WWOX: variants seen among roughly 807,000 people sequenced by gnomAD.
The protein encoded by WWOX is WW domain-containing oxidoreductase.
WWOX carries 69 observed loss-of-function variants against 46.2 expected under a neutral mutation model. The observed-to-expected ratio is 1.49, with a 90% CI of 1.23 to 1.82. WWOX has a LOEUF of 1.82. Among genes scored for constraint, WWOX ranks in the 40% most tolerant of loss-of-function variants. The probability of loss-of-function intolerance (pLI) is 0.00; values close to 1 mark genes in which losing one functional copy is unlikely to be tolerated. For missense variants in WWOX, 919 were observed against 542.6 expected (o/e 1.69, Z -6.89); for synonymous variants, 359 against 202.6 (o/e 1.77, Z -6.56).
At position 78,400,980 on chromosome 16, in the gene WWOX, G is replaced by A. The variant is rs530469975; in HGVS notation, c.605+14032G>A. The stretch of plus-strand genomic sequence containing the variant: ...TGGGACTACATGCCTGCACCATCAT[G>A]CCTGGCTAATTTTTATTTTTGTAGA... On this transcript the variant is annotated intron_variant, in intron 6 of 8. Coordinates refer to ENST00000566780, the MANE Select transcript of WWOX (RefSeq NM_016373.4). Among the ~76,000 whole-genome samples the A allele has an allele frequency of 2.0e-5, 3 of 152,214 alleles. No homozygotes were observed. The East Asian group carries it at 5.8e-4, about 30-fold the overall frequency.
chr16:78,766,081 G>A (rs962982563), intron 8 of WWOX, among the ~76,000 whole-genome samples: 4 of 152,212 alleles, frequency 2.6e-5, no homozygotes, highest in African/African-American at 9.6e-5. Flanking sequence ...GAGTGGGACG[G>A]GGTGAATGAT....
At chr16:78,570,823 A>G (rs768031105) in intron 8 of WWOX, among the ~76,000 whole-genome samples, 5 of 152,188 alleles carry the variant, frequency 3.3e-5, no homozygotes, top group Non-Finnish European at 7.4e-5. Context: ...CTGGAAATGA[A>G]TGGCAGGGGA....
chr16:78,711,031 A>T (rs1363672554), intron 8 of WWOX, among the ~76,000 whole-genome samples: 1 of 152,138 alleles, frequency 6.6e-6, no homozygotes, highest in Non-Finnish European at 1.5e-5. Flanking sequence ...AGATTTCAGG[A>T]CCTAACCAAC....
intron 5 of WWOX, 34 bp downstream of exon 5, chr16:78,164,323 G>A (rs776846470): frequency 6.3e-7 from 1 of 1,586,426 alleles, no homozygotes; most frequent in East Asian, 2.2e-5. Flanking sequence ...TTTTTTAATT[G>A]TCAAATACAC....
At chr16:78,768,952 A>T (rs2049993929) in intron 8 of WWOX, among the ~76,000 whole-genome samples, 1 of 152,070 alleles carries the variant, frequency 6.6e-6, no homozygotes, top group Non-Finnish European at 1.5e-5. Flanking sequence ...TTCTGTTTTG[A>T]GCATCAGAAT....
intron 8 of WWOX, among the ~76,000 whole-genome samples, chr16:78,533,428 C>T (rs1049010621): frequency 1.3e-5 from 2 of 150,134 alleles, no homozygotes; most frequent in African/African-American, 5.0e-5. Flanking sequence ...AAAAAAAATC[C>T]CCAAAAAATC....
At chr16:78,414,565 A>G (rs929686329) in intron 6 of WWOX, among the ~76,000 whole-genome samples, 1 of 152,174 alleles carries the variant, frequency 6.6e-6, no homozygotes, top group African/African-American at 2.4e-5. Context: ...AAACTGTCTT[A>G]AAACAAACAA....
At chr16:79,131,967 C>T (rs1475571375) in intron 8 of WWOX, among the ~76,000 whole-genome samples, 4 of 152,086 alleles carry the variant, frequency 2.6e-5, no homozygotes, top group African/African-American at 4.8e-5. Flanking sequence ...GAGACTTATT[C>T]ACTATCATGA....
chr16:78,739,126 AGTGG>A (rs774362082), intron 8 of WWOX, among the ~76,000 whole-genome samples: 7 of 152,284 alleles, frequency 4.6e-5, no homozygotes, highest in Non-Finnish European at 8.8e-5. Context: ...GCAGCAGGCC[AGTGG>A]TAACCTCTGA....
intron 3 of WWOX, among the ~76,000 whole-genome samples, chr16:78,110,956 C>T (rs1001519340): frequency 4.0e-5 from 6 of 151,878 alleles, no homozygotes; most frequent in African/African-American, 1.5e-4. Flanking sequence ...CTTGAATAGT[C>T]TTTGACAGGA....
chr16:78,637,957 C>T (rs1213696472), intron 8 of WWOX, among the ~76,000 whole-genome samples: 5 of 152,158 alleles, frequency 3.3e-5, no homozygotes, highest in Admixed American at 3.3e-4. Context: ...ATGGTTTCTT[C>T]TACCAGGTAG....
intron 8 of WWOX, among the ~76,000 whole-genome samples, chr16:79,084,834 C>T (rs891304124): frequency 1.3e-5 from 2 of 152,196 alleles, no homozygotes; most frequent in African/African-American, 4.8e-5. Flanking sequence ...GACATGTATT[C>T]ATTTACTGAT....
chr16:78,719,756 T>C (rs2048648938), intron 8 of WWOX, among the ~76,000 whole-genome samples: 1 of 152,198 alleles, frequency 6.6e-6, no homozygotes, highest in South Asian at 2.1e-4. Flanking sequence ...TTAAGCTTCA[T>C]CAAGTTAAGA....
rs563992145 is a variant in WWOX, at chr16:78,652,622, C to G, written c.1056+219870C>G. Among the ~76,000 whole-genome samples, 3 of 152,232 alleles carry G rather than the reference C, an allele frequency of 2.0e-5. No individual in the cohort carries two copies. In the East Asian group the frequency reaches 5.8e-4, roughly 29 times the overall value. ...GTGTTACCTGGACAGCTCCTGCCATCATTAGCACACAGCCAAGATTCCTCG... is the reference window on the plus strand; with the variant it reads ...GTGTTACCTGGACAGCTCCTGCCATGATTAGCACACAGCCAAGATTCCTCG... On this transcript the variant is annotated intron_variant, in intron 8 of 8. Coordinates refer to ENST00000566780, the MANE Select transcript of WWOX (RefSeq NM_016373.4).
intron 8 of WWOX, among the ~76,000 whole-genome samples, chr16:78,902,560 C>G (rs1430061229): frequency 6.6e-6 from 1 of 152,186 alleles, no homozygotes; most frequent in East Asian, 1.9e-4. Context: ...GGGCCTAGGC[C>G]AAAGATATGC....
intron 8 of WWOX, among the ~76,000 whole-genome samples, chr16:78,547,236 T>G (rs1039802614): frequency 2.6e-5 from 4 of 151,462 alleles, no homozygotes; most frequent in African/African-American, 9.7e-5. Flanking sequence ...ATTGAGCCTT[T>G]ACATTGGAGA....
At chr16:78,434,893 A>T (rs921311543) in intron 8 of WWOX, among the ~76,000 whole-genome samples, 14 of 152,206 alleles carry the variant, frequency 9.2e-5, no homozygotes, top group Admixed American at 9.2e-4. Flanking sequence ...GTGCCAGGGC[A>T]TGTGGGAAAA....
At chr16:78,957,831 G>T (rs1187875253) in intron 8 of WWOX, among the ~76,000 whole-genome samples, 1 of 152,184 alleles carries the variant, frequency 6.6e-6, no homozygotes, top group East Asian at 1.9e-4. Flanking sequence ...TGGTGCGGCT[G>T]GCCCACTTGT....
intron 8 of WWOX, among the ~76,000 whole-genome samples, chr16:78,539,437 G>C (rs2043835309): frequency 6.6e-6 from 1 of 152,210 alleles, no homozygotes; most frequent in Admixed American, 6.5e-5. Context: ...GGTTAGAGTA[G>C]AATTTTAAAG....
Sources: allele counts gnomAD v4.1 joint callset (sites outside exome capture counted in the v4.1 genomes callset), GRCh38; gene constraint gnomAD v4.1.1; transcripts MANE v1.5; gene names NCBI Gene and HGNC (gene_info 2026-07-23, HGNC 2026-07-21).